Variants in ANKS1B observed in about 807,000 individuals in gnomAD.
ANKS1B encodes ankyrin repeat and sterile alpha motif domain containing 1B.
A neutral mutation model predicts 148.3 loss-of-function variants in ANKS1B; 36 were observed. The observed-to-expected ratio is 0.24, with a 90% CI of 0.19 to 0.32. ANKS1B has a LOEUF of 0.32. Among genes scored for constraint, ANKS1B ranks in the 10% least tolerant of loss-of-function variants. The probability of loss-of-function intolerance (pLI) is 1.00; values close to 1 mark genes in which losing one functional copy is unlikely to be tolerated. For missense variants in ANKS1B, 1,157 were observed against 1,542.6 expected (o/e 0.75, Z 4.19); for synonymous variants, 542 against 560.8 (o/e 0.97, Z 0.47).
intron 17 of ANKS1B, among the ~76,000 whole-genome samples, chr12:98,997,651 A>G (rs1481923584): frequency 1.3e-5 from 2 of 152,098 alleles, no homozygotes; most frequent in Admixed American, 6.5e-5. Context: ...TCGGCCTCTC[A>G]AAGTGCTGGA....
chr12:99,541,164 T>C (rs1435551794), intron 9 of ANKS1B, among the ~76,000 whole-genome samples: 3 of 152,106 alleles, frequency 2.0e-5, no homozygotes, highest in Non-Finnish European at 2.9e-5. Context: ...CTCAGATGGC[T>C]TCAAAGGTGA....
At chr12:98,910,866 T>C (rs1399575789) in intron 17 of ANKS1B, among the ~76,000 whole-genome samples, 1 of 152,192 alleles carries the variant, frequency 6.6e-6, no homozygotes, top group Non-Finnish European at 1.5e-5. Context: ...GCAGTGCCAA[T>C]ATATGATCTA....
At chr12:99,560,820 T>C (rs115610719) in intron 9 of ANKS1B, among the ~76,000 whole-genome samples, 2,038 of 150,194 alleles carry the variant, frequency 0.014, 44 homozygotes, top group African/African-American at 0.046. Flanking sequence ...GGGGTTGCAA[T>C]GGCAATTTCT....
intron 10 of ANKS1B, among the ~76,000 whole-genome samples, chr12:99,497,876 T>C (rs1018893227): frequency 1.3e-5 from 2 of 151,978 alleles, no homozygotes; most frequent in Non-Finnish European, 2.9e-5. Context: ...ACCCTGTCTC[T>C]CCAGGAAATC....
At chr12:99,922,889 C>T (rs2094394648) in intron 1 of ANKS1B, among the ~76,000 whole-genome samples, 1 of 151,884 alleles carries the variant, frequency 6.6e-6, no homozygotes, top group Non-Finnish European at 1.5e-5. Flanking sequence ...CATGAAGGCC[C>T]TCACCAGATG....
Position 99,984,862 on chromosome 12 carries a change from G to C in ANKS1B, c.-625C>G, listed in dbSNP as rs1275430917. Among the ~76,000 whole-genome samples the C allele has an allele frequency of 1.4e-5, 2 of 147,142 alleles. No homozygotes were observed. Among genetic ancestry groups the C allele is most frequent in the African/African-American group, 4.9e-5 (2 of 40,934 alleles). Reference sequence around the variant, plus strand: ...GCGTGCCGAGGGCGGCGGCGGCGGCGAGGCCTGGCGCGCGGGGGGCGTGTG... The same window carrying C: ...GCGTGCCGAGGGCGGCGGCGGCGGCCAGGCCTGGCGCGCGGGGGGCGTGTG... On this transcript the variant is annotated 5_prime_UTR_variant, in exon 1 of 27. Transcript: ENST00000683438.
intron 17 of ANKS1B, among the ~76,000 whole-genome samples, chr12:99,011,139 A>C (rs1462537014): frequency 6.6e-6 from 1 of 152,116 alleles, no homozygotes; most frequent in Non-Finnish European, 1.5e-5. Flanking sequence ...TTATCCCTGC[A>C]GTCAGTGGAC....
At chr12:99,740,969 T>C (rs2060042653) in intron 8 of ANKS1B, among the ~76,000 whole-genome samples, 1 of 152,052 alleles carries the variant, frequency 6.6e-6, no homozygotes, top group Admixed American at 6.6e-5. Flanking sequence ...CAAAAGTAGG[T>C]GGCAATTTGG....
chr12:99,329,773 T>C (rs932751389), intron 12 of ANKS1B, among the ~76,000 whole-genome samples: 1 of 151,900 alleles, frequency 6.6e-6, no homozygotes, highest in Non-Finnish European at 1.5e-5. Flanking sequence ...CATTTTTCTA[T>C]TAGTTTTAAG....
intron 15 of ANKS1B, among the ~76,000 whole-genome samples, chr12:99,137,179 T>C (rs2068393724): frequency 6.6e-6 from 1 of 152,210 alleles, no homozygotes; most frequent in African/African-American, 2.4e-5. Context: ...TGATTACAGC[T>C]TCTAAAGTGC....
chr12:99,894,175 T>C (rs1339177038), intron 1 of ANKS1B, among the ~76,000 whole-genome samples: 3 of 150,756 alleles, frequency 2.0e-5, no homozygotes, highest in African/African-American at 4.9e-5. Flanking sequence ...TCTCACCAAT[T>C]TGGGAGGTCA....
chr12:99,312,302 A>G (rs1284351329), intron 12 of ANKS1B, among the ~76,000 whole-genome samples: 1 of 152,170 alleles, frequency 6.6e-6, no homozygotes, highest in Non-Finnish European at 1.5e-5. Context: ...AGTGAATAAC[A>G]TTGTTCTTTT....
At chr12:99,690,345 C>G (rs1386897224) in intron 8 of ANKS1B, among the ~76,000 whole-genome samples, 1 of 152,142 alleles carries the variant, frequency 6.6e-6, no homozygotes, top group Non-Finnish European at 1.5e-5. Context: ...CAAAACCAAT[C>G]ATGCCTTCCC....
At chr12:98,841,127 C>CTTTG (rs2099403623) in intron 17 of ANKS1B, among the ~76,000 whole-genome samples, 1 of 152,110 alleles carries the variant, frequency 6.6e-6, no homozygotes, top group South Asian at 2.1e-4. Flanking sequence ...TATTTTCTAA[C>CTTTG]TTTATTTCCT....
chr12:99,919,472 G>T (rs1475974530), intron 1 of ANKS1B, among the ~76,000 whole-genome samples: 1 of 152,040 alleles, frequency 6.6e-6, no homozygotes, highest in Admixed American at 6.6e-5. Flanking sequence ...AATCCTAAGG[G>T]TCTTATAAGT....
chr12:98,842,494 T>C (rs2099412631), intron 17 of ANKS1B, among the ~76,000 whole-genome samples: 1 of 152,184 alleles, frequency 6.6e-6, no homozygotes, highest in Non-Finnish European at 1.5e-5. Flanking sequence ...TAAAATGGGA[T>C]TGTGTTGATG....
At position 99,443,665 on chromosome 12, in the gene ANKS1B, G is replaced by T; in HGVS notation, c.1575+8C>A. ...TAGAGGGAAAATGATGCCATTCTGG[G>T]CACTTACCTGGGGTCGAATGACTTT... On this transcript the variant is annotated splice_region_variant and intron_variant, in intron 11 of 26. Transcript: ENST00000683438. The T allele has an allele frequency of 6.2e-7, 1 of 1,611,102 alleles. No individual in the cohort carries two copies. Among genetic ancestry groups the T allele is most frequent in the Non-Finnish European group, 8.5e-7 (1 of 1,178,258 alleles).
intron 22 of ANKS1B, among the ~76,000 whole-genome samples, chr12:98,797,856 T>C (rs1158387448): frequency 1.3e-5 from 2 of 152,246 alleles, no homozygotes; most frequent in Admixed American, 6.5e-5. Flanking sequence ...ACAAGGTATA[T>C]TGGCCATAAA....
intron 9 of ANKS1B, chr12:98,735,766 T>C: frequency 2.0e-6 from 1 of 500,008 alleles, no homozygotes; most frequent in Admixed American, 3.2e-5. Flanking sequence ...AACAAAAGTC[T>C]TGCTCTACTG....
Sources: gnomAD v4.1 joint callset for allele counts (sites outside exome capture counted in the v4.1 genomes callset) on GRCh38, gnomAD v4.1.1 for gene constraint, MANE v1.5 for transcripts, NCBI Gene and HGNC (gene_info 2026-07-23, HGNC 2026-07-21) for gene names.